Variants in FBN3 observed in about 807,000 individuals in gnomAD.
FBN3 encodes fibrillin-3.
A neutral mutation model predicts 330.1 loss-of-function variants in FBN3; 234 were observed. The observed-to-expected ratio is 0.71, with a 90% CI of 0.64 to 0.79. The LOEUF (loss-of-function observed/expected upper bound fraction) is 0.79, where lower values mean the gene tolerates loss of function less well. FBN3 is among the 30% of genes least tolerant of loss of function. FBN3 has a pLI of 0.00. For missense variants in FBN3, 3,606 were observed against 3,886.9 expected (o/e 0.93, Z 1.92); for synonymous variants, 1,458 against 1,517.3 (o/e 0.96, Z 0.91).
At chr19:8,083,018 A>G (rs749622406) in intron 57 of FBN3, among the ~76,000 whole-genome samples, 3 of 151,966 alleles carry the variant, frequency 2.0e-5, no homozygotes, top group African/African-American at 4.8e-5. Flanking sequence ...CTATGTTGCT[A>G]TGGAACTCCT....
chr19:8,068,725 T>C (rs201511662), intron 63 of FBN3, among the ~76,000 whole-genome samples: 2 of 52,692 alleles, frequency 3.8e-5, no homozygotes, highest in African/African-American at 1.2e-4. Flanking sequence ...AATAAATAAA[T>C]AATAAATCAA....
chr19:8,131,937 T>C lies in FBN3; in HGVS notation c.1715-108A>G. ...TTCCCAGCCATTCTATTTCTTTCCT[T>C]TCCAGTTTCTTGTCTTTCCAGTTTC... On this transcript the variant is annotated intron_variant, in intron 14 of 63. Transcript: ENST00000600128. The surrounding 1 kb of genome is among the most constrained non-coding windows in gnomAD (Gnocchi z 4.5). 7.8e-7 allele frequency: 1 copy of C among 1,285,560 alleles called. No homozygotes were observed. The allele number at this position is 1,285,560 out of a possible 1,614,324, so 79.6% of individuals were successfully genotyped here.
At chr19:8,122,674 C>A (rs965167329) in intron 24 of FBN3, among the ~76,000 whole-genome samples, 1 of 142,992 alleles carries the variant, frequency 7.0e-6, no homozygotes, top group Admixed American at 7.1e-5. Context: ...GCCCAGCGCC[C>A]CCTTTTTTTT....
intron 51 of FBN3, among the ~76,000 whole-genome samples, chr19:8,089,207 T>C (rs1288115576): frequency 2.0e-5 from 3 of 151,648 alleles, no homozygotes; most frequent in Non-Finnish European, 4.4e-5. Context: ...GTGAGTGAAT[T>C]GGTAAGTGAA....
chr19:8,138,388 C>T (rs1360679636), intron 9 of FBN3, 24 bp downstream of exon 9: 1 of 1,610,608 alleles, frequency 6.2e-7, no homozygotes. Flanking sequence ...ACCCACAGCC[C>T]TGCAGGCTGC....
At chr19:8,104,262 A>C (rs1044372990) in intron 38 of FBN3, among the ~76,000 whole-genome samples, 3 of 151,630 alleles carry the variant, frequency 2.0e-5, no homozygotes, top group Non-Finnish European at 2.9e-5. Context: ...ATTTGAGGTC[A>C]AGAGTTTGAG....
At chr19:8,118,592 TACAA>T (rs918044197) in intron 26 of FBN3, among the ~76,000 whole-genome samples, 3 of 148,930 alleles carry the variant, frequency 2.0e-5, no homozygotes, top group Non-Finnish European at 4.4e-5. Context: ...ACTCCTCACA[TACAA>T]ACACTCCCCC....
chr19:8,134,134 C>T (rs1038009707), intron 13 of FBN3, among the ~76,000 whole-genome samples: 2 of 151,398 alleles, frequency 1.3e-5, no homozygotes, highest in Admixed American at 6.6e-5. Context: ...CCCAGTTACT[C>T]GGGAGGCTGA....
intron 8 of FBN3, among the ~76,000 whole-genome samples, chr19:8,140,217 A>G (rs1232613904): frequency 6.6e-6 from 1 of 152,174 alleles, no homozygotes; most frequent in African/African-American, 2.4e-5. Context: ...TAATCCCAGC[A>G]CTTTGGGAGG....
chr19:8,124,533 T>G (rs538374319), intron 22 of FBN3, among the ~76,000 whole-genome samples: 2 of 131,496 alleles, frequency 1.5e-5, no homozygotes, highest in Non-Finnish European at 3.2e-5. Flanking sequence ...CTACCGTGCC[T>G]GGCCAATTTT....
chr19:8,116,905 C>T (rs2082718195), intron 28 of FBN3, 106 bp from the exon 29 acceptor site: 6 of 1,397,802 alleles, frequency 4.3e-6, no homozygotes, highest in East Asian at 2.4e-5. Context: ...GTGAGGATAG[C>T]GATGGTCACT....
chr19:8,135,935 T>TTGGGGGGGGGGGGGGGGGGGGGGGGC, intron 13 of FBN3, 26 bp downstream of exon 13: 33 of 1,344,154 alleles, frequency 2.5e-5, no homozygotes, highest in Non-Finnish European at 3.1e-5. Flanking sequence ...CGGAAGCCCC[T>TTGGGGGGGGGGGGGGGGGGGGGGGGC]GCCCACCCGC....
chr19:8,099,430 G>A (rs1377949067), intron 41 of FBN3, among the ~76,000 whole-genome samples: 4 of 151,432 alleles, frequency 2.6e-5, no homozygotes, highest in African/African-American at 4.8e-5. Flanking sequence ...ACAGGCGCCC[G>A]CCACCACGCC....
intron 8 of FBN3, among the ~76,000 whole-genome samples, chr19:8,140,815 G>C (rs921945259): frequency 6.6e-6 from 1 of 151,974 alleles, no homozygotes; most frequent in Non-Finnish European, 1.5e-5. Context: ...AGCTGAGAGA[G>C]GACCCCCCGC....
intron 62 of FBN3, 53 bp from the exon 63 acceptor site, chr19:8,072,251 TCC>T: frequency 6.8e-7 from 1 of 1,475,216 alleles, no homozygotes; most frequent in Non-Finnish European, 9.0e-7. Context: ...TGATGGGACC[TCC>T]CCAGCCACGC....
chr19:8,126,897 C>G, intron 18 of FBN3, 65 bp from the exon 19 acceptor site: 1 of 1,498,658 alleles, frequency 6.7e-7, no homozygotes, highest in Non-Finnish European at 8.9e-7. Context: ...GGCCAGGACC[C>G]CTCCTCCCCA....
intron 53 of FBN3, 137 bp from the exon 54 acceptor site, chr19:8,087,348 G>A: frequency 2.0e-6 from 2 of 979,644 alleles, no homozygotes; most frequent in South Asian, 1.9e-5. Context: ...ATCCCTCTTA[G>A]GAAGGGAGCC....
intron 13 of FBN3, 25 bp downstream of exon 13, chr19:8,135,936 G>GGGGGGGGGGCC: frequency 4.5e-6 from 3 of 668,772 alleles, no homozygotes; most frequent in Non-Finnish European, 7.2e-6. Flanking sequence ...GGAAGCCCCT[G>GGGGGGGGGGCC]CCCACCCGCC....
intron 57 of FBN3, among the ~76,000 whole-genome samples, chr19:8,082,313 CTCTTTCTTTCTTTCTGTT>C: frequency 6.6e-6 from 1 of 151,226 alleles, no homozygotes; most frequent in South Asian, 2.1e-4. Flanking sequence ...TTCTCCCTTT[CTCTTTCTTTCTTTCTGTT>C]TCTTTCTCTT....
Sources: gnomAD v4.1 joint callset for allele counts (sites outside exome capture counted in the v4.1 genomes callset) on GRCh38, gnomAD v4.1.1 for gene constraint, Gnocchi (gnomAD v3.1) non-coding constraint, MANE v1.5 for transcripts, NCBI Gene and HGNC (gene_info 2026-07-23, HGNC 2026-07-21) for gene names.